Variants in RERE observed in about 807,000 individuals in gnomAD.
RERE encodes arginine-glutamic acid dipeptide repeats protein.
Under a neutral mutation model 146.1 loss-of-function variants are expected in RERE, and 40 were observed. The observed-to-expected ratio is 0.27, with a 90% CI of 0.21 to 0.36. The LOEUF (loss-of-function observed/expected upper bound fraction) is 0.36. Ranked by LOEUF, RERE falls within the 10% of genes least tolerant of loss-of-function variation. The probability of loss-of-function intolerance (pLI) is 1.00; values close to 1 mark genes in which losing one functional copy is unlikely to be tolerated. For missense variants in RERE, 1,933 were observed against 2,138.7 expected, an observed-to-expected ratio of 0.90 and a Z score of 1.90; for synonymous variants, 1,003 against 866.0, an observed-to-expected ratio of 1.16 and a Z score of -2.78.
chr1:8,406,161 G>C (rs1643431477), intron 12 of RERE, among the ~76,000 whole-genome samples: 1 of 152,142 alleles, frequency 6.6e-6, no homozygotes, highest in African/African-American at 2.4e-5. Flanking sequence ...GCAGTGGTGT[G>C]ATCCCGGATC....
intron 4 of RERE, among the ~76,000 whole-genome samples, chr1:8,602,067 A>G (rs1646638286): frequency 6.6e-6 from 1 of 152,114 alleles, no homozygotes; most frequent in African/African-American, 2.4e-5. Flanking sequence ...AAGGCCAAAA[A>G]TCAGCATTAC....
chr1:8,712,563 C>T (rs1167768434), intron 1 of RERE, among the ~76,000 whole-genome samples: 1 of 152,184 alleles, frequency 6.6e-6, no homozygotes, highest in Non-Finnish European at 1.5e-5. Flanking sequence ...CCTTCACAAT[C>T]TCTCCAGAAT....
At chr1:8,799,821 C>CT (rs59100075) in intron 1 of RERE, among the ~76,000 whole-genome samples, 33,641 of 149,944 alleles carry the variant, frequency 0.22, 5,393 homozygotes, top group East Asian at 0.77. Context: ...GGTTTTTTTG[C>CT]TTTTTTTTAA....
chr1:8,584,448 G>C (rs1325474208), intron 4 of RERE, among the ~76,000 whole-genome samples: 1 of 152,080 alleles, frequency 6.6e-6, no homozygotes, highest in Non-Finnish European at 1.5e-5. Flanking sequence ...TAGGGAGTAT[G>C]AGGCAGGAAA....
chr1:8,674,395 A>G (rs1638787873), intron 1 of RERE, among the ~76,000 whole-genome samples: 1 of 152,178 alleles, frequency 6.6e-6, no homozygotes, highest in East Asian at 1.9e-4. Context: ...GGTTTACCAA[A>G]TAAGTTTTCT....
intron 12 of RERE, among the ~76,000 whole-genome samples, chr1:8,409,647 ATGATT>A (rs1397658800): frequency 6.6e-6 from 1 of 152,196 alleles, no homozygotes. Context: ...CTTTCAACAG[ATGATT>A]TGAAACAAAA....
chr1:8,697,712 C>T (rs1171378515), intron 1 of RERE, among the ~76,000 whole-genome samples: 2 of 152,176 alleles, frequency 1.3e-5, no homozygotes, highest in Admixed American at 6.5e-5. Context: ...TTCTAAAGTT[C>T]CTGGATAATG....
At chr1:8,604,000 T>C (rs190951019) in intron 4 of RERE, among the ~76,000 whole-genome samples, 4 of 150,270 alleles carry the variant, frequency 2.7e-5, no homozygotes, top group Non-Finnish European at 4.5e-5. Flanking sequence ...CAAGATCAGA[T>C]CTACTTTTAC....
intron 1 of RERE, among the ~76,000 whole-genome samples, chr1:8,756,890 G>A (rs528891712): frequency 1.2e-4 from 18 of 152,142 alleles, no homozygotes; most frequent in Non-Finnish European, 2.4e-4. Context: ...TCAGGAGTTT[G>A]ACACCAGCCT....
chr1:8,744,870 C>T (rs917094107), intron 1 of RERE, among the ~76,000 whole-genome samples: 3 of 152,156 alleles, frequency 2.0e-5, no homozygotes, highest in Non-Finnish European at 4.4e-5. Context: ...AAATGGAAAA[C>T]TTCAAAATCA....
chr1:8,593,041 T>C (rs899761821), intron 4 of RERE, among the ~76,000 whole-genome samples: 18 of 152,198 alleles, frequency 1.2e-4, no homozygotes, highest in Admixed American at 1.1e-3. Flanking sequence ...ACTCAGGAAC[T>C]GGGCTGTTTG....
intron 12 of RERE, chr1:8,381,184 T>C: frequency 8.3e-6 from 3 of 362,796 alleles, no homozygotes; most frequent in Admixed American, 3.5e-5. Context: ...TGTGACCTTT[T>C]TGTGGCTCAT....
intron 11 of RERE, among the ~76,000 whole-genome samples, chr1:8,448,737 T>G (rs1398204179): frequency 6.6e-6 from 1 of 151,840 alleles, no homozygotes; most frequent in South Asian, 2.1e-4. Flanking sequence ...GCTGAGGCAG[T>G]AGAATCTCTT....
intron 4 of RERE, among the ~76,000 whole-genome samples, chr1:8,590,439 A>G (rs1646478583): frequency 6.6e-6 from 1 of 152,104 alleles, no homozygotes. Context: ...CTCCCTCAAG[A>G]GGCTTAAATT....
At chr1:8,692,711 T>C (rs1639233566) in intron 1 of RERE, among the ~76,000 whole-genome samples, 1 of 152,204 alleles carries the variant, frequency 6.6e-6, no homozygotes, top group Non-Finnish European at 1.5e-5. Flanking sequence ...AAACGCTATA[T>C]TTTTTAATTT....
In RERE at chr1:8,354,736, G is replaced by A. The variant is rs1180835918; in HGVS notation, c.*351C>T. The A allele has an allele frequency of 1.7e-5, 4 of 239,670 alleles. No individual in the cohort carries two copies. The highest frequency in any genetic ancestry group is 2.4e-5 in the Non-Finnish European group (3 of 126,632). 14.8% of individuals were successfully genotyped at this position (239,670 alleles called of 1,614,324 possible). A position where few individuals can be genotyped will look rare whatever the true frequency, so the allele number is the denominator to read the frequency against. ...GCGGAGTGTGTCAGTGTGTCTGCAC[G>A]CACAGTGAAGGGTGTGAACTGGATT... On this transcript the variant is annotated 3_prime_UTR_variant, in exon 23 of 23. Transcript: ENST00000400908.
intron 1 of RERE, among the ~76,000 whole-genome samples, chr1:8,715,366 C>G (rs915010168): frequency 6.6e-6 from 1 of 151,260 alleles, no homozygotes; most frequent in East Asian, 2.0e-4. Context: ...ACAAAATTAG[C>G]CAGGCGTGGT....
chr1:8,414,742 C>T (rs374798891), intron 12 of RERE, among the ~76,000 whole-genome samples: 3 of 152,050 alleles, frequency 2.0e-5, no homozygotes, highest in South Asian at 2.1e-4. Flanking sequence ...TTCAACATCT[C>T]GGAAAACTTA....
At chr1:8,449,041 G>A (rs190785729) in intron 11 of RERE, among the ~76,000 whole-genome samples, 5 of 152,196 alleles carry the variant, frequency 3.3e-5, no homozygotes, top group East Asian at 1.9e-4. Flanking sequence ...ACATGAGATC[G>A]GCCTTTACAG....
Sources: allele counts gnomAD v4.1 joint callset (sites outside exome capture counted in the v4.1 genomes callset), GRCh38; gene constraint gnomAD v4.1.1; transcripts MANE v1.5; gene names NCBI Gene and HGNC (gene_info 2026-07-23, HGNC 2026-07-21).